Variants in BMI1 observed in about 807,000 individuals in gnomAD.
BMI1 encodes the protein BMI1 proto-oncogene, polycomb ring finger, also known as polycomb complex protein BMI-1.
BMI1 carries 9 observed loss-of-function variants against 39.1 expected under a neutral mutation model. The ratio of observed to expected loss-of-function variants is 0.23; its 90% CI spans 0.14 to 0.40. The LOEUF (loss-of-function observed/expected upper bound fraction) is 0.40, where lower values mean the gene tolerates loss of function less well. Ranked by LOEUF, BMI1 falls within the 10% of genes least tolerant of loss-of-function variation. The pLI, the probability that BMI1 is intolerant of heterozygous loss-of-function variation, is 1.00. For missense variants in BMI1, 252 were observed against 390.8 expected (o/e 0.64, Z 2.99); for synonymous variants, 131 against 127.9 (o/e 1.02, Z -0.16).
rs1254230323 is a variant in BMI1, at chr10:22,329,611, C to T, written c.*69C>T. 1 of 1,511,586 alleles carries T rather than the reference C, an allele frequency of 6.6e-7. No homozygotes were observed. Among genetic ancestry groups the T allele is most frequent in the Admixed American group, 2.0e-5 (1 of 49,586 alleles). 93.6% of individuals were successfully genotyped at this position (1,511,586 alleles called of 1,614,324 possible). A position where few individuals can be genotyped will look rare whatever the true frequency, so the allele number is the denominator to read the frequency against. On this transcript the variant is annotated 3_prime_UTR_variant, in exon 10 of 10. Transcript: ENST00000376663. Reference sequence around the variant, plus strand: ...TATAGATATCTTCATGCCATTACAGCTTTCTAGATGCTAATACATGTGACT... The same window carrying T: ...TATAGATATCTTCATGCCATTACAGTTTTCTAGATGCTAATACATGTGACT...
At chr10:22,328,778 C>T in intron 8 of BMI1, 80 bp downstream of exon 8, 2 of 1,392,890 alleles carry the variant, frequency 1.4e-6, no homozygotes, top group Middle Eastern at 2.4e-4. Flanking sequence ...ATTTTGAACC[C>T]AAAAAAGCAA....
In BMI1 at chr10:22,321,160, C is replaced by T. The variant is rs974853686; in HGVS notation, c.-556C>T. 1 of 150,310 alleles carries T rather than the reference C, an allele frequency of 6.7e-6. No individual in the cohort carries two copies. Among genetic ancestry groups the T allele is most frequent in the African/African-American group, 2.4e-5 (1 of 41,128 alleles). The allele number at this position is 150,310 out of a possible 1,614,324, so 9.3% of individuals were successfully genotyped here. On this transcript the variant is annotated 5_prime_UTR_variant, in exon 1 of 10. Coordinates refer to ENST00000376663, the MANE Select transcript of BMI1 (RefSeq NM_005180.9). ...ACCCTCCCCTCCCCCTCCTCCCCTCCCCCCGCTCGCACGCACACACACGGC... is the reference window on the plus strand; with the variant it reads ...ACCCTCCCCTCCCCCTCCTCCCCTCTCCCCGCTCGCACGCACACACACGGC...
At chr10:22,324,687 T>C (rs1404451443) in intron 1 of BMI1, among the ~76,000 whole-genome samples, 1 of 152,242 alleles carries the variant, frequency 6.6e-6, no homozygotes, top group Non-Finnish European at 1.5e-5. Context: ...CAGGTATATC[T>C]TACTGCAAGT....
rs1588621945 is a variant in BMI1, at chr10:22,329,710, T to C, written c.*168T>C. 2.7e-6 allele frequency: 2 copies of C among 742,412 alleles called. No homozygotes were observed. The highest frequency in any genetic ancestry group is 2.8e-5 in the East Asian group (1 of 36,210). The allele number at this position is 742,412 out of a possible 1,614,324, so 46.0% of individuals were successfully genotyped here. On this transcript the variant is annotated 3_prime_UTR_variant, in exon 10 of 10. Coordinates refer to ENST00000376663, the MANE Select transcript of BMI1 (RefSeq NM_005180.9). ...AGATGGACTACATGTGATACTCCTA[T>C]GGACGTTAATTGAAAAGAAAGATTG...
chr10:22,328,575 G>C, intron 7 of BMI1, 25 bp from the exon 8 acceptor site: 1 of 1,576,738 alleles, frequency 6.3e-7, no homozygotes, highest in African/African-American at 1.4e-5. Context: ...AACTGAAAAA[G>C]TTACTTTTCT....
intron 1 of BMI1, among the ~76,000 whole-genome samples, chr10:22,325,348 G>A (rs1352103788): frequency 6.6e-6 from 1 of 152,206 alleles, no homozygotes; most frequent in Non-Finnish European, 1.5e-5. Flanking sequence ...AGGACAGACC[G>A]AGAGAGTCGA....
At chr10:22,326,669 A>G (rs1466948985) in intron 2 of BMI1, 108 bp downstream of exon 2, 22 of 1,510,756 alleles carry the variant, frequency 1.5e-5, no homozygotes, top group Non-Finnish European at 1.9e-5. Context: ...GTTGGTACAA[A>G]GTGGTGAAGG....
Position 22,330,257 on chromosome 10 carries a change from G to GAA in BMI1, c.*717_*718dup, listed in dbSNP as rs1267912110. 6.6e-6 allele frequency: 1 copy of GAA among 152,588 alleles called. No homozygotes were observed. The highest frequency in any genetic ancestry group is 2.4e-5 in the African/African-American group (1 of 41,420). 9.5% of individuals were successfully genotyped at this position (152,588 alleles called of 1,614,324 possible). The stretch of plus-strand genomic sequence containing the variant: ...GCCATATTGGTATATGACATAACAG[G>GAA]AAACAGTATTGTATGATATATTTAT... On this transcript the variant is annotated 3_prime_UTR_variant, in exon 10 of 10. Transcript: ENST00000376663.
chr10:22,322,625 C>T (rs570223467), intron 1 of BMI1, among the ~76,000 whole-genome samples: 1 of 152,278 alleles, frequency 6.6e-6, no homozygotes, highest in Admixed American at 6.5e-5. Context: ...GGCTTGCTTT[C>T]TCACTACTTC....
Position 22,326,579 on chromosome 10 carries a change from GCT to G in BMI1, c.112+23_112+24del, listed in dbSNP as rs754014848. On this transcript the variant is annotated intron_variant, in intron 2 of 9. Coordinates refer to ENST00000376663, the MANE Select transcript of BMI1 (RefSeq NM_005180.9). ...ACATTCCTGTAAGTACCGAGCTTTA[GCT>G]CTCTTTTGTATCATGCGTATTTCAC... The G allele has an allele frequency of 1.9e-6, 3 of 1,612,158 alleles. No individual in the cohort carries two copies. Among genetic ancestry groups the G allele is most frequent in the Middle Eastern group, 1.7e-4 (1 of 6,056 alleles).
intron 5 of BMI1, 52 bp downstream of exon 5, chr10:22,327,844 A>G: frequency 1.2e-6 from 2 of 1,607,952 alleles, no homozygotes; most frequent in South Asian, 2.2e-5. Flanking sequence ...GAGCTTATCT[A>G]GGAATTAAAA....
At position 22,327,926 on chromosome 10, in the gene BMI1, T is replaced by C. The variant is rs1836196113; in HGVS notation, c.317-24T>C. Reference sequence around the variant, plus strand: ...TTATTAGGCATCTGATTTTTAAAAATTACATTTCACTATATCGTTATAGCT... The same window carrying C: ...TTATTAGGCATCTGATTTTTAAAAACTACATTTCACTATATCGTTATAGCT... On this transcript the variant is annotated intron_variant, in intron 5 of 9. Coordinates refer to ENST00000376663, the MANE Select transcript of BMI1 (RefSeq NM_005180.9). The C allele has an allele frequency of 2.5e-6, 4 of 1,584,064 alleles. No individual in the cohort carries two copies. In the East Asian group the frequency reaches 9.0e-5, roughly 35 times the overall value.
At chr10:22,328,566 A>T (rs377538265) in intron 7 of BMI1, 34 bp from the exon 8 acceptor site, 2 of 1,573,558 alleles carry the variant, frequency 1.3e-6, no homozygotes, top group African/African-American at 2.8e-5. Flanking sequence ...TCTTAAAGTA[A>T]CTGAAAAAGT....
chr10:22,327,096 T>C (rs1048819955), intron 3 of BMI1, 110 bp downstream of exon 3: 73 of 1,194,956 alleles, frequency 6.1e-5, no homozygotes, highest in South Asian at 3.3e-4. Context: ...AATACATAAC[T>C]AATATGTGTG....
In BMI1 at chr10:22,330,129, T is replaced by TA. The variant is rs1464685211; in HGVS notation, c.*588dup. ...ATCAAAGAAAAGTGAACTTCAGTTT[T>TA]ACAATCTGTATGCCTAAAAGCGGGT... On this transcript the variant is annotated 3_prime_UTR_variant, in exon 10 of 10. Transcript: ENST00000376663. 1.3e-5 allele frequency: 2 copies of TA among 153,338 alleles called. No individual in the cohort carries two copies. The highest frequency in any genetic ancestry group is 4.8e-5 in the African/African-American group (2 of 41,476). 9.5% of individuals were successfully genotyped at this position (153,338 alleles called of 1,614,324 possible).
chr10:22,327,395 T>C (rs149125612), intron 3 of BMI1, among the ~76,000 whole-genome samples, 200 bp from the exon 4 acceptor site: 81 of 152,296 alleles, frequency 5.3e-4, no homozygotes, highest in Admixed American at 9.8e-4. Context: ...TTAGTGAATA[T>C]AAAATATTTT....
At chr10:22,322,454 C>T (rs1257694465) in intron 1 of BMI1, among the ~76,000 whole-genome samples, 2 of 152,122 alleles carry the variant, frequency 1.3e-5, no homozygotes, top group East Asian at 3.9e-4. Flanking sequence ...AGGTCTCCTG[C>T]ATTTGTGTTT....
In BMI1 at chr10:22,330,175, CTTGT is replaced by C. The variant is rs1399777582; in HGVS notation, c.*636_*639del. 2.0e-5 allele frequency: 3 copies of C among 152,948 alleles called. No homozygotes were observed. Among genetic ancestry groups the C allele is most frequent in the Non-Finnish European group, 4.4e-5 (3 of 68,314 alleles). 9.5% of individuals were successfully genotyped at this position (152,948 alleles called of 1,614,324 possible). On this transcript the variant is annotated 3_prime_UTR_variant, in exon 10 of 10. Transcript: ENST00000376663. ...CGGGTACTACCGTTTATTTTACTGA[CTTGT>C]TTAAATGATTCGCTTTTGTAAGAAT...
In BMI1 at chr10:22,330,573, G is replaced by C. The variant is rs978727998; in HGVS notation, c.*1031G>C. ...TGGAAACCGTCTTAATTTTCCATTG[G>C]CTATGATGGAATTAATATTGTATTT... On this transcript the variant is annotated 3_prime_UTR_variant, in exon 10 of 10. Transcript: ENST00000376663. 3.8e-4 allele frequency: 58 copies of C among 152,248 alleles called. No homozygotes were observed. The highest frequency in any genetic ancestry group is 1.3e-3 in the African/African-American group (53 of 41,558). 9.4% of individuals were successfully genotyped at this position (152,248 alleles called of 1,614,324 possible).
Sources: gnomAD v4.1 joint callset for allele counts (sites outside exome capture counted in the v4.1 genomes callset) on GRCh38, gnomAD v4.1.1 for gene constraint, MANE v1.5 for transcripts, NCBI Gene and HGNC (gene_info 2026-07-23, HGNC 2026-07-21) for gene names.